Variants in CACNB4 observed in about 807,000 individuals in gnomAD.
CACNB4 encodes calcium voltage-gated channel auxiliary subunit beta 4, also known as voltage-dependent L-type calcium channel subunit beta-4.
Under a neutral mutation model 71.2 loss-of-function variants are expected in CACNB4, and 32 were observed. That is an observed-to-expected ratio of 0.45 (90% CI 0.34 to 0.60). CACNB4 has a LOEUF of 0.60. Ranked by LOEUF, CACNB4 falls within the 20% of genes least tolerant of loss-of-function variation. CACNB4 has a pLI of 0.01. For synonymous variants in CACNB4, 231 were observed against 236.9 expected (o/e 0.97, Z 0.23); for missense variants, 464 against 647.9 (o/e 0.72, Z 3.08).
At chr2:151,885,178 T>G (rs1432899122) in intron 2 of CACNB4, among the ~76,000 whole-genome samples, 1 of 152,232 alleles carries the variant, frequency 6.6e-6, no homozygotes, top group Non-Finnish European at 1.5e-5. Flanking sequence ...AAATTTTGCC[T>G]CTGCAACATA....
chr2:151,909,890 T>C lies in CACNB4; in HGVS notation c.148-26520A>G, dbSNP rs149662581. Among the ~76,000 whole-genome samples the C allele has an allele frequency of 3.3e-3, 510 of 152,290 alleles. 2 individuals are homozygous for C. The highest frequency in any genetic ancestry group is 0.012 in the African/African-American group (479 of 41,570). On this transcript the variant is annotated intron_variant, in intron 2 of 13. Transcript: ENST00000539935. ...CATACATGTGCATGTGTCTTTATAG[T>C]AGAATGATTTATTTTGGGGGGTATA...
chr2:151,933,505 G>A (rs752511363), intron 2 of CACNB4, among the ~76,000 whole-genome samples: 28 of 151,908 alleles, frequency 1.8e-4, no homozygotes, highest in Non-Finnish European at 4.0e-4. Context: ...CATCCCTCTT[G>A]TAACAGATAG....
chr2:151,901,757 T>C (rs2099853487), intron 2 of CACNB4, among the ~76,000 whole-genome samples: 1 of 152,114 alleles, frequency 6.6e-6, no homozygotes, highest in Admixed American at 6.5e-5. Context: ...TGGGTAGAGG[T>C]TGAGGCTTAT....
At position 151,880,913 on chromosome 2, in the gene CACNB4, C is replaced by T; in HGVS notation, c.277G>A (p.Val93Ile). 1 of 1,612,656 alleles carries T rather than the reference C, an allele frequency of 6.2e-7. No individual in the cohort carries two copies. The highest frequency in any genetic ancestry group is 8.5e-7 in the Non-Finnish European group (1 of 1,179,252). ...IQLERAKSKP[V>I]AFAVKTNVSY... is the part of the protein sequence containing the mutation. ...ACATTTGTCTTCACGGCAAATGCTA[C>T]AGGTTTGGACTAGGGACAGAACCAT... Residue 93 changes from valine (V) to isoleucine (I), a missense_variant, in exon 4 of 14, where the codon GTA (valine) becomes ATA (isoleucine). Transcript: ENST00000539935.
intron 2 of CACNB4, among the ~76,000 whole-genome samples, chr2:152,056,472 A>G (rs1685737197): frequency 6.6e-6 from 1 of 152,134 alleles, no homozygotes; most frequent in African/African-American, 2.4e-5. Flanking sequence ...AGCCTCATCA[A>G]CTTTCTCCAG....
At chr2:151,862,921 A>C (rs928867338) in intron 9 of CACNB4, among the ~76,000 whole-genome samples, 1 of 152,114 alleles carries the variant, frequency 6.6e-6, no homozygotes, top group African/African-American at 2.4e-5. Flanking sequence ...CCTTGCTCTG[A>C]GATAGTGAGA....
chr2:151,945,833 T>C (rs1388604870), intron 2 of CACNB4, among the ~76,000 whole-genome samples: 1 of 149,412 alleles, frequency 6.7e-6, no homozygotes, highest in Non-Finnish European at 1.5e-5. Flanking sequence ...GCTAAGATTA[T>C]TGCACTTCAG....
chr2:151,835,515 G>A lies in CACNB4; in HGVS notation c.*3604C>T, dbSNP rs1207520198. The A allele has an allele frequency of 6.6e-6, 1 of 151,760 alleles. No homozygotes were observed. Among genetic ancestry groups the A allele is most frequent in the Non-Finnish European group, 1.5e-5 (1 of 67,752 alleles). 9.4% of individuals were successfully genotyped at this position (151,760 alleles called of 1,614,324 possible). The stretch of plus-strand genomic sequence containing the variant: ...AGTACATAGGGTAATTTCTACAATG[G>A]TATTACATTTTTTAAGCAAATACCA... On this transcript the variant is annotated 3_prime_UTR_variant, in exon 14 of 14. Coordinates refer to ENST00000539935, the MANE Select transcript of CACNB4 (RefSeq NM_000726.5).
At chr2:152,059,264 G>A (rs2105325844) in intron 2 of CACNB4, among the ~76,000 whole-genome samples, 1 of 152,352 alleles carries the variant, frequency 6.6e-6, no homozygotes, top group South Asian at 2.1e-4. Flanking sequence ...CAGAATGACA[G>A]ATCCACTGAC....
chr2:151,953,970 G>A (rs929763696), intron 2 of CACNB4, among the ~76,000 whole-genome samples: 1 of 152,194 alleles, frequency 6.6e-6, no homozygotes, highest in Non-Finnish European at 1.5e-5. Flanking sequence ...AATTCTATCT[G>A]TCTTTTGAAC....
At position 152,078,432 on chromosome 2, in the gene CACNB4, A is replaced by C. The variant is rs1038867797; in HGVS notation, c.147+19898T>G. On this transcript the variant is annotated intron_variant, in intron 2 of 13. Coordinates refer to ENST00000539935, the MANE Select transcript of CACNB4 (RefSeq NM_000726.5). The stretch of plus-strand genomic sequence containing the variant: ...ACCAAACTTTGAAACTATTATCATC[A>C]TGAGGCATAGTCTGCATAACTGGCT... Among the ~76,000 whole-genome samples the C allele has an allele frequency of 2.0e-4, 30 of 152,196 alleles. 1 individual carries two copies. The highest frequency in any genetic ancestry group is 4.4e-5 in the Non-Finnish European group (3 of 68,042).
chr2:151,968,043 G>C (rs1388297245), intron 2 of CACNB4: 1 of 152,190 alleles, frequency 6.6e-6, no homozygotes, highest in Admixed American at 6.5e-5. Flanking sequence ...ACCAATACAT[G>C]CTGTAAAAAT....
At chr2:152,025,082 T>C (rs570251178) in intron 2 of CACNB4, among the ~76,000 whole-genome samples, 1 of 152,046 alleles carries the variant, frequency 6.6e-6, no homozygotes, top group Non-Finnish European at 1.5e-5. Context: ...TAAATAAATT[T>C]TGCAAAACCA....
At chr2:152,014,250 GAC>G (rs755470830) in intron 2 of CACNB4, among the ~76,000 whole-genome samples, 59 of 152,020 alleles carry the variant, frequency 3.9e-4, no homozygotes, top group Non-Finnish European at 7.5e-4. Flanking sequence ...CAGAGGCTGA[GAC>G]AGGAGAATCA....
chr2:151,967,095 T>C (rs926539817), intron 2 of CACNB4: 7 of 143,480 alleles, frequency 4.9e-5, no homozygotes, highest in Non-Finnish European at 9.0e-5. Context: ...TCACCAAGCC[T>C]GAAGTGCAGT....
intron 2 of CACNB4, among the ~76,000 whole-genome samples, chr2:151,887,521 C>G (rs1303895100): frequency 6.6e-6 from 1 of 151,924 alleles, no homozygotes; most frequent in Non-Finnish European, 1.5e-5. Context: ...CAGATAGTAA[C>G]ACTGGAAAAT....
chr2:151,971,767 C>G (rs7607341), intron 2 of CACNB4: 500,301 of 612,610 alleles, frequency 0.82, 213,298 homozygotes, highest in Non-Finnish European at 0.91. Context: ...GAACATCTCT[C>G]TCTTCCCCTG....
At chr2:151,860,348 A>T (rs778137263) in intron 10 of CACNB4, 20 of 256,750 alleles carry the variant, frequency 7.8e-5, no homozygotes, top group Non-Finnish European at 1.3e-4. Flanking sequence ...AAGGCTGAAC[A>T]CCTCGTTTCC....
intron 2 of CACNB4, among the ~76,000 whole-genome samples, chr2:152,051,100 C>T (rs887931864): frequency 3.3e-5 from 5 of 152,014 alleles, no homozygotes; most frequent in Admixed American, 2.0e-4. Context: ...CCACCACCAA[C>T]CACAGAAAAA....
Sources: allele counts gnomAD v4.1 joint callset (sites outside exome capture counted in the v4.1 genomes callset), GRCh38; gene constraint gnomAD v4.1.1; transcripts MANE v1.5; gene names NCBI Gene and HGNC (gene_info 2026-07-23, HGNC 2026-07-21).